Variants in KDSR observed in about 807,000 individuals in gnomAD.
KDSR encodes 3-ketodihydrosphingosine reductase, also known as 3-dehydrosphinganine reductase.
A neutral mutation model predicts 41.3 loss-of-function variants in KDSR; 23 were observed. That is an observed-to-expected ratio of 0.56 (90% CI 0.40 to 0.79). The LOEUF (loss-of-function observed/expected upper bound fraction) is 0.79. Among genes scored for constraint, KDSR ranks in the 30% least tolerant of loss-of-function variants. KDSR has a pLI of 0.00. For synonymous variants in KDSR, 138 were observed against 151.7 expected (o/e 0.91, Z 0.66); for missense variants, 351 against 416.8 (o/e 0.84, Z 1.37).
chr18:63,338,402 T>C (rs1914246718), intron 8 of KDSR, among the ~76,000 whole-genome samples: 1 of 152,242 alleles, frequency 6.6e-6, no homozygotes, highest in South Asian at 2.1e-4. Flanking sequence ...CCCACGGGGC[T>C]GGTGGCACTT....
At chr18:63,356,752 C>CACT (rs1376184675) in intron 3 of KDSR, among the ~76,000 whole-genome samples, 3 of 152,184 alleles carry the variant, frequency 2.0e-5, no homozygotes, top group African/African-American at 7.2e-5. Flanking sequence ...TGGCCCTGAA[C>CACT]ACTGACTCCA....
chr18:63,365,449 T>C (rs1915107095), intron 1 of KDSR, among the ~76,000 whole-genome samples: 2 of 152,222 alleles, frequency 1.3e-5, no homozygotes, highest in Admixed American at 6.5e-5. Flanking sequence ...GGTGACACCA[T>C]GTGAACTATT....
At chr18:63,364,937 G>A (rs1343779262) in intron 1 of KDSR, among the ~76,000 whole-genome samples, 2 of 152,170 alleles carry the variant, frequency 1.3e-5, no homozygotes, top group Non-Finnish European at 2.9e-5. Flanking sequence ...AATATTCACT[G>A]TTATACATAA....
chr18:63,330,646 T>C lies in KDSR; in HGVS notation c.*1136A>G, dbSNP rs1913951142. 5 of 231,192 alleles carry C rather than the reference T, an allele frequency of 2.2e-5. No homozygotes were observed. Among genetic ancestry groups the C allele is most frequent in the Non-Finnish European group, 4.3e-5 (5 of 116,806 alleles). The allele number at this position is 231,192 out of a possible 1,614,324, so 14.3% of individuals were successfully genotyped here. A position where few individuals can be genotyped will look rare whatever the true frequency, so the allele number is the denominator to read the frequency against. ...AACTCTCTTCAAAATCAGCCTTGTC[T>C]TTTTTTCTTAATGAGCAAACTTTAT... is the stretch of plus-strand genomic sequence containing the variant. On this transcript the variant is annotated 3_prime_UTR_variant, in exon 10 of 10. Coordinates refer to ENST00000645214, the MANE Select transcript of KDSR (RefSeq NM_002035.4).
chr18:63,366,577 C>G (rs1225012809), intron 1 of KDSR: 1 of 157,368 alleles, frequency 6.4e-6, no homozygotes, highest in Non-Finnish European at 1.4e-5. Flanking sequence ...TGTCTGCCCC[C>G]GCCCGGGGCC....
intron 5 of KDSR, among the ~76,000 whole-genome samples, 180 bp downstream of exon 5, chr18:63,355,024 G>C (rs1231843615): frequency 6.6e-6 from 1 of 152,148 alleles, no homozygotes; most frequent in East Asian, 1.9e-4. Context: ...AGCTTCAATG[G>C]TCCTGACACT....
At chr18:63,361,087 CACAA>C (rs1914968266) in intron 2 of KDSR, among the ~76,000 whole-genome samples, 1 of 104,628 alleles carries the variant, frequency 9.6e-6, no homozygotes, top group African/African-American at 3.9e-5. Context: ...CACACACACA[CACAA>C]ATCAGCCAGG....
chr18:63,365,997 G>C (rs964691637), intron 1 of KDSR: 2 of 152,224 alleles, frequency 1.3e-5, no homozygotes, highest in Non-Finnish European at 2.9e-5. Context: ...GGGAGGCTCG[G>C]ATCTCCGGTG....
At chr18:63,364,804 T>C (rs551487204) in intron 1 of KDSR, among the ~76,000 whole-genome samples, 6 of 152,354 alleles carry the variant, frequency 3.9e-5, no homozygotes, top group African/African-American at 1.4e-4. Context: ...TTGTCTCCTG[T>C]TTTTAAAAAA....
chr18:63,366,825 C>T (rs1182777984), intron 1 of KDSR, among the ~76,000 whole-genome samples, 186 bp downstream of exon 1: 1 of 152,192 alleles, frequency 6.6e-6, no homozygotes, highest in Non-Finnish European at 1.5e-5. Flanking sequence ...GAGGGCGGGT[C>T]CGCGAGGCCG....
At chr18:63,356,834 GC>G (rs1914809729) in intron 3 of KDSR, among the ~76,000 whole-genome samples, 1 of 152,214 alleles carries the variant, frequency 6.6e-6, no homozygotes. Context: ...AATTTACAGA[GC>G]TGGTGTTTTT....
chr18:63,335,783 T>G (rs1284982480), intron 8 of KDSR: 1 of 153,016 alleles, frequency 6.5e-6, no homozygotes, highest in East Asian at 1.9e-4. Flanking sequence ...CTAAAATTCT[T>G]TTAAAAATCA....
In KDSR at chr18:63,331,284, GACAGAGAGACAGAGAGACAGAGAGAC is replaced by G. The variant is rs1933244823; in HGVS notation, c.*472_*497del. 1 of 141,544 alleles carries G rather than the reference GACAGAGAGACAGAGAGACAGAGAGAC, an allele frequency of 7.1e-6. No homozygotes were observed. Among genetic ancestry groups the G allele is most frequent in the East Asian group, 1.3e-4 (1 of 7,828 alleles). 8.8% of individuals were successfully genotyped at this position (141,544 alleles called of 1,614,324 possible). A position where few individuals can be genotyped will look rare whatever the true frequency, so the allele number is the denominator to read the frequency against. ...AGAAAGAAAGAGAGAGAGAGAGAGA[GACAGAGAGACAGAGAGACAGAGAGAC>G]AGAGAGACAGAGAGACAGAGAGAGA... On this transcript the variant is annotated 3_prime_UTR_variant, in exon 10 of 10. Transcript: ENST00000645214.
At chr18:63,337,660 C>T (rs184903811) in intron 8 of KDSR, among the ~76,000 whole-genome samples, 55 of 152,274 alleles carry the variant, frequency 3.6e-4, no homozygotes, top group Non-Finnish European at 1.2e-4. Flanking sequence ...ACGGAGCTCA[C>T]GCCTGTAATC....
chr18:63,335,558 G>A (rs904541038), intron 8 of KDSR, 200 bp from the exon 9 acceptor site: 38 of 532,098 alleles, frequency 7.1e-5, no homozygotes, highest in Non-Finnish European at 1.2e-4. Flanking sequence ...GGACCCCTGC[G>A]GGCCCCCAAG....
In KDSR at chr18:63,358,337, A is replaced by G. The variant is rs184083837; in HGVS notation, c.255+1399T>C. Among the ~76,000 whole-genome samples the G allele has an allele frequency of 3.8e-4, 58 of 152,282 alleles. No homozygotes were observed. The East Asian group carries it at 0.01, about 26-fold the overall frequency. On this transcript the variant is annotated intron_variant, in intron 3 of 9. Coordinates refer to ENST00000645214, the MANE Select transcript of KDSR (RefSeq NM_002035.4). ...AAATGGCAAGTGACTGCTAATACAC[A>G]TGGAGATTCTTCACGGGGTGAGGAA...
chr18:63,347,397 G>C lies in KDSR; in HGVS notation c.610-2904C>G, dbSNP rs541833111. On this transcript the variant is annotated intron_variant, in intron 6 of 9. Coordinates refer to ENST00000645214, the MANE Select transcript of KDSR (RefSeq NM_002035.4). ...TGTAATCCCACCCACTTGGGAGGCT[G>C]AGCCAGGAGAATCGCTTGAACCAGG... 2.7e-5 allele frequency among the ~76,000 whole-genome samples: 4 copies of C among 148,356 alleles called. No individual in the cohort carries two copies. The Admixed American group carries it at 2.8e-4, about 10-fold the overall frequency.
chr18:63,339,662 T>G (rs181065687), intron 7 of KDSR, among the ~76,000 whole-genome samples: 138 of 152,378 alleles, frequency 9.1e-4, no homozygotes, highest in African/African-American at 3.1e-3. Flanking sequence ...ATACACATTA[T>G]AGCTACTTGT....
intron 1 of KDSR, among the ~76,000 whole-genome samples, chr18:63,364,558 C>T (rs1007635514): frequency 6.6e-6 from 1 of 151,988 alleles, no homozygotes; most frequent in African/African-American, 2.4e-5. Flanking sequence ...ATTCTCTTGT[C>T]TCAGACACCC....
Sources: gnomAD v4.1 joint callset for allele counts (sites outside exome capture counted in the v4.1 genomes callset) on GRCh38, gnomAD v4.1.1 for gene constraint, MANE v1.5 for transcripts, NCBI Gene and HGNC (gene_info 2026-07-23, HGNC 2026-07-21) for gene names.